Variants in VCF2 observed in about 807,000 individuals in gnomAD.
The protein encoded by VCF2 is VCP nuclear cofactor family member 2.
the VCF2 span, among the ~76,000 whole-genome samples, chrX:55,159,634 T>C: frequency 8.9e-6 from 1 of 112,196 alleles, no homozygotes; most frequent in Non-Finnish European, 1.9e-5. Flanking sequence ...TGTCTGCCAG[T>C]GTCTACTCTT....
chrX:55,159,111 T>A, the VCF2 span: 2 of 1,156,099 alleles, frequency 1.7e-6, no homozygotes, highest in Non-Finnish European at 2.3e-6. Flanking sequence ...ATAGAGGCAA[T>A]CTGACCATAC....
the VCF2 span, chrX:55,161,119 A>C: frequency 8.3e-7 from 1 of 1,208,406 alleles, no homozygotes; most frequent in Non-Finnish European, 1.1e-6. Flanking sequence ...CCGGCCGGAA[A>C]GGCCCCGACG....
At chrX:55,152,379 C>T in the VCF2 span, among the ~76,000 whole-genome samples, 2 of 111,868 alleles carry the variant, frequency 1.8e-5, no homozygotes, top group Non-Finnish European at 3.8e-5. Context: ...TGTTTTCTTT[C>T]TCTCTTCCTC....
the VCF2 span, chrX:55,160,856 G>A: frequency 8.6e-7 from 1 of 1,156,546 alleles, no homozygotes; most frequent in Non-Finnish European, 1.1e-6. Flanking sequence ...GGGCTTGTAA[G>A]GCACTGACAA....
At chrX:55,143,181 G>A in the VCF2 span, 1 of 111,168 alleles carries the variant, frequency 9.0e-6, no homozygotes, top group African/African-American at 3.3e-5. Flanking sequence ...CCCGAGCGGG[G>A]TAGCCAGTGT....
the VCF2 span, chrX:55,143,930 C>T: frequency 3.0e-4 from 240 of 812,458 alleles, no homozygotes; most frequent in South Asian, 4.1e-3. Context: ...AAGAGATTTA[C>T]ACTGACCACT....
chrX:55,146,876 T>C, the VCF2 span, among the ~76,000 whole-genome samples: 1 of 112,695 alleles, frequency 8.9e-6, no homozygotes, highest in African/African-American at 3.2e-5. Context: ...AATTCAGTGC[T>C]ACATACATAT....
At chrX:55,147,610 G>A in the VCF2 span, among the ~76,000 whole-genome samples, 1 of 105,298 alleles carries the variant, frequency 9.5e-6, no homozygotes, top group East Asian at 2.9e-4. Flanking sequence ...CTGACAATTC[G>A]GTTCCTCTTA....
At chrX:55,154,405 CTTTT>C in the VCF2 span, among the ~76,000 whole-genome samples, 964 of 112,486 alleles carry the variant, frequency 8.6e-3, 10 homozygotes, top group Middle Eastern at 0.032. Flanking sequence ...AAAGCTTATT[CTTTT>C]TTGTCTGAAT....
chrX:55,147,858 G>A, the VCF2 span, among the ~76,000 whole-genome samples: 1 of 110,027 alleles, frequency 9.1e-6, no homozygotes, highest in Non-Finnish European at 1.9e-5. Flanking sequence ...CCTTTAATTT[G>A]TTTCATTTTA....
chrX:55,147,723 T>A, the VCF2 span, among the ~76,000 whole-genome samples: 899 of 105,398 alleles, frequency 8.5e-3, 8 homozygotes, highest in African/African-American at 0.029. Context: ...TCAAATTTTC[T>A]TCTCCAATGA....
the VCF2 span, among the ~76,000 whole-genome samples, chrX:55,150,670 A>G: frequency 8.9e-6 from 1 of 112,210 alleles, no homozygotes; most frequent in Non-Finnish European, 1.9e-5. Context: ...TGACTGTTCT[A>G]AGACTCTTGT....
At chrX:55,159,522 T>G in the VCF2 span, among the ~76,000 whole-genome samples, 2 of 112,385 alleles carry the variant, frequency 1.8e-5, no homozygotes, top group African/African-American at 6.5e-5. Flanking sequence ...AATAGCTAAG[T>G]TTTCAAAATC....
chrX:55,156,683 T>A, the VCF2 span, among the ~76,000 whole-genome samples: 1 of 112,308 alleles, frequency 8.9e-6, no homozygotes, highest in African/African-American at 3.2e-5. Context: ...TTAGTTTCCC[T>A]CCTAAGATGA....
At chrX:55,156,098 C>T in the VCF2 span, among the ~76,000 whole-genome samples, 9 of 109,531 alleles carry the variant, frequency 8.2e-5, no homozygotes, top group East Asian at 2.9e-4. Flanking sequence ...ACTACAGGTG[C>T]GCGCCACCAA....
chrX:55,149,141 T>C, the VCF2 span, among the ~76,000 whole-genome samples: 1 of 111,073 alleles, frequency 9.0e-6, no homozygotes, highest in African/African-American at 3.3e-5. Context: ...CTAAATGGAC[T>C]TTCCATAGGG....
At chrX:55,158,876 T>C in the VCF2 span, among the ~76,000 whole-genome samples, 1 of 111,560 alleles carries the variant, frequency 9.0e-6, no homozygotes, top group Non-Finnish European at 1.9e-5. Context: ...TCCCTGCTCA[T>C]ATGAGGGGAC....
At chrX:55,153,973 C>A in the VCF2 span, among the ~76,000 whole-genome samples, 1 of 112,009 alleles carries the variant, frequency 8.9e-6, no homozygotes, top group South Asian at 3.7e-4. Flanking sequence ...TGGGCTTTGT[C>A]ACACTTACCT....
chrX:55,161,146 C>A, the VCF2 span: 182 of 1,206,895 alleles, frequency 1.5e-4, no homozygotes, highest in Non-Finnish European at 1.7e-4. Context: ...CCGTACAGGG[C>A]AGCCTCCCAT....
Sources: allele counts gnomAD v4.1 joint callset (sites outside exome capture counted in the v4.1 genomes callset), GRCh38; gene constraint gnomAD v4.1.1; transcripts MANE v1.5; gene names NCBI Gene and HGNC (gene_info 2026-07-23, HGNC 2026-07-21).